The following HEMK2 variants were observed in gnomAD, a reference collection of about 807,000 sequenced individuals.
HEMK2 encodes the protein HemK methyltransferase 2, ETF1 glutamine and histone H4 lysine.
the HEMK2 span, among the ~76,000 whole-genome samples, chr21:28,705,874 G>GC: frequency 6.6e-6 from 1 of 152,246 alleles, no homozygotes; most frequent in East Asian, 1.9e-4. Flanking sequence ...GCAGAGAAAT[G>GC]CAATTCTCTG....
At chr21:28,644,772 T>C in the HEMK2 span, among the ~76,000 whole-genome samples, 2 of 152,200 alleles carry the variant, frequency 1.3e-5, no homozygotes, top group Admixed American at 6.5e-5. Context: ...ATTGGCTAAT[T>C]TGTTCTGGTG....
the HEMK2 span, among the ~76,000 whole-genome samples, chr21:28,631,403 A>G: frequency 6.6e-6 from 1 of 152,228 alleles, no homozygotes; most frequent in East Asian, 1.9e-4. Context: ...CTCTACTTCA[A>G]TAATTTCCAA....
chr21:28,671,488 G>A, the HEMK2 span, among the ~76,000 whole-genome samples: 1 of 152,188 alleles, frequency 6.6e-6, no homozygotes, highest in Non-Finnish European at 1.5e-5. Context: ...GGTGAGCAAA[G>A]ACCAACTCTG....
At chr21:28,815,172 C>T in the HEMK2 span, among the ~76,000 whole-genome samples, 2 of 137,298 alleles carry the variant, frequency 1.5e-5, no homozygotes, top group Non-Finnish European at 3.0e-5. Flanking sequence ...TAGGTGGGAA[C>T]TGAACAATGA....
the HEMK2 span, among the ~76,000 whole-genome samples, chr21:28,795,286 G>C: frequency 1.3e-5 from 2 of 152,162 alleles, no homozygotes; most frequent in Non-Finnish European, 1.5e-5. Context: ...CTAAAACTAA[G>C]AATGGGTGAG....
the HEMK2 span, among the ~76,000 whole-genome samples, chr21:28,842,104 G>T: frequency 6.6e-6 from 1 of 152,130 alleles, no homozygotes; most frequent in East Asian, 1.9e-4. Flanking sequence ...ACCTGGGGTG[G>T]TCTTAGGGAT....
the HEMK2 span, among the ~76,000 whole-genome samples, chr21:28,764,882 G>A: frequency 7.8e-6 from 1 of 127,804 alleles, no homozygotes; most frequent in African/African-American, 3.3e-5. Context: ...TAGTTTTTCA[G>A]TATTGCTAAC....
At chr21:28,822,273 C>T in the HEMK2 span, among the ~76,000 whole-genome samples, 10 of 152,222 alleles carry the variant, frequency 6.6e-5, no homozygotes, top group African/African-American at 2.2e-4. Context: ...TTAGCAGTTA[C>T]AAATTTACCT....
the HEMK2 span, among the ~76,000 whole-genome samples, chr21:28,865,260 G>T: frequency 6.6e-6 from 1 of 152,162 alleles, no homozygotes; most frequent in Non-Finnish European, 1.5e-5. Context: ...CCGCCTCCTG[G>T]GTTCAAGTGA....
the HEMK2 span, among the ~76,000 whole-genome samples, chr21:28,665,335 T>TA: frequency 6.1e-4 from 24 of 39,080 alleles, no homozygotes; most frequent in African/African-American, 0.01. Context: ...TTTATATTTC[T>TA]TTTTTTTTTT....
chr21:28,881,995 A>G, the HEMK2 span, among the ~76,000 whole-genome samples: 1 of 152,202 alleles, frequency 6.6e-6, no homozygotes, highest in East Asian at 1.9e-4. Context: ...TGACTGAAAG[A>G]GGCCTGAATT....
At chr21:28,596,747 A>T in the HEMK2 span, among the ~76,000 whole-genome samples, 1 of 152,210 alleles carries the variant, frequency 6.6e-6, no homozygotes, top group African/African-American at 2.4e-5. Context: ...GTCTTGGCAG[A>T]TGGAAGATAC....
chr21:28,871,074 T>C, the HEMK2 span, among the ~76,000 whole-genome samples: 1 of 152,250 alleles, frequency 6.6e-6, no homozygotes, highest in Admixed American at 6.5e-5. Context: ...ATGATCAATT[T>C]GCAAATTTAT....
At chr21:28,862,646 A>C in the HEMK2 span, among the ~76,000 whole-genome samples, 1 of 145,694 alleles carries the variant, frequency 6.9e-6, no homozygotes, top group East Asian at 2.0e-4. Flanking sequence ...ACTCCGTCTC[A>C]AAAAAAAAAA....
At chr21:28,850,217 CTTTTTT>C in the HEMK2 span, among the ~76,000 whole-genome samples, 54 of 94,436 alleles carry the variant, frequency 5.7e-4, 1 homozygote, top group South Asian at 4.8e-3. Flanking sequence ...ATTCAGCATT[CTTTTTT>C]TTTTTTTTTT....
At chr21:28,650,680 T>C in the HEMK2 span, among the ~76,000 whole-genome samples, 1 of 152,072 alleles carries the variant, frequency 6.6e-6, no homozygotes, top group Non-Finnish European at 1.5e-5. Flanking sequence ...CATCTTGGAA[T>C]ATTAGAGAGG....
chr21:28,846,102 C>T, the HEMK2 span, among the ~76,000 whole-genome samples: 479 of 152,290 alleles, frequency 3.1e-3, 1 homozygote, highest in Non-Finnish European at 5.0e-3. Context: ...CCAGCTCCAT[C>T]CATGCTGCTG....
the HEMK2 span, among the ~76,000 whole-genome samples, chr21:28,877,484 G>A: frequency 6.9e-6 from 1 of 145,144 alleles, no homozygotes; most frequent in Admixed American, 7.0e-5. Flanking sequence ...AGAAGAGAAA[G>A]AGAAAGAAAA....
the HEMK2 span, among the ~76,000 whole-genome samples, chr21:28,790,764 T>G: frequency 6.8e-6 from 1 of 146,578 alleles, no homozygotes; most frequent in African/African-American, 2.5e-5. Flanking sequence ...GTATTCTAAA[T>G]GCTTTTTTGT....
Sources: allele counts gnomAD v4.1 joint callset (sites outside exome capture counted in the v4.1 genomes callset), GRCh38; gene constraint gnomAD v4.1.1; transcripts MANE v1.5; gene names NCBI Gene and HGNC (gene_info 2026-07-23, HGNC 2026-07-21).